SNRNP48: variants seen among roughly 807,000 people sequenced by gnomAD.
The protein encoded by SNRNP48 is U11/U12 small nuclear ribonucleoprotein 48 kDa protein.
SNRNP48 carries 43 observed loss-of-function variants against 47.0 expected under a neutral mutation model. The observed-to-expected ratio is 0.92, with a 90% confidence interval of 0.72 to 1.18. The LOEUF (loss-of-function observed/expected upper bound fraction) is 1.18. Among genes scored for constraint, SNRNP48 ranks in the 50% most tolerant of loss-of-function variants. The pLI is 0.00. For synonymous variants in SNRNP48, 138 were observed against 144.0 expected, an observed-to-expected ratio of 0.96 and a Z score of 0.30; for missense variants, 396 against 422.2, an observed-to-expected ratio of 0.94 and a Z score of 0.54.
chr6:7,601,575 A>G lies in SNRNP48; in HGVS notation c.595+51A>G, dbSNP rs755666686. ...CATTTCTTCATTATCATTTTATTCT[A>G]TGAGTGTTATTAAGATGATTTAATT... On this transcript the variant is annotated intron_variant, in intron 5 of 8. Coordinates refer to ENST00000342415, the MANE Select transcript of SNRNP48 (RefSeq NM_152551.4). The G allele has an allele frequency of 7.2e-5, 104 of 1,449,672 alleles. No individual in the cohort carries two copies. In the Admixed American group the frequency reaches 1.3e-3, roughly 18 times the overall value. 89.8% of individuals were successfully genotyped at this position (1,449,672 alleles called of 1,614,324 possible).
chr6:7,595,386 A>C (rs574466032), intron 4 of SNRNP48, among the ~76,000 whole-genome samples: 27 of 151,352 alleles, frequency 1.8e-4, no homozygotes, highest in Non-Finnish European at 3.2e-4. Flanking sequence ...AATTAAAAAA[A>C]TTATTATTTA....
chr6:7,591,022 G>T (rs1759807582), intron 1 of SNRNP48, among the ~76,000 whole-genome samples: 1 of 152,202 alleles, frequency 6.6e-6, no homozygotes, highest in Non-Finnish European at 1.5e-5. Flanking sequence ...TGAGTGAGGA[G>T]GGAATGGCAG....
At chr6:7,596,952 A>G (rs1249541400) in intron 4 of SNRNP48, among the ~76,000 whole-genome samples, 2 of 152,234 alleles carry the variant, frequency 1.3e-5, no homozygotes, top group African/African-American at 4.8e-5. Flanking sequence ...CATCTAATCC[A>G]GTGTCTGCAT....
At chr6:7,599,594 T>G in intron 4 of SNRNP48, 1 of 848,468 alleles carries the variant, frequency 1.2e-6, no homozygotes, top group South Asian at 1.6e-5. Context: ...TTATCCTTTT[T>G]GTTGTCAGAA....
chr6:7,605,063 AT>A lies in SNRNP48; in HGVS notation c.718-328del, dbSNP rs201738839. On this transcript the variant is annotated intron_variant, in intron 6 of 8. Transcript: ENST00000342415. ...ACTCTCTCGATCTCGATCTGTACAT[AT>A]TTTTTTCCCCTGAATTCTTTAAGGG... 6.7e-3 allele frequency among the ~76,000 whole-genome samples: 1,020 copies of A among 151,890 alleles called. 16 individuals carry two copies. The highest frequency in any genetic ancestry group is 0.023 in the African/African-American group (951 of 41,402).
At chr6:7,593,885 C>A in intron 2 of SNRNP48, 38 bp downstream of exon 2, 1 of 1,378,974 alleles carries the variant, frequency 7.3e-7, no homozygotes, top group South Asian at 1.4e-5. Context: ...ACATATATGT[C>A]ATGCATTTTA....
At chr6:7,591,940 C>A (rs1308333147) in intron 1 of SNRNP48, among the ~76,000 whole-genome samples, 1 of 151,888 alleles carries the variant, frequency 6.6e-6, no homozygotes, top group Non-Finnish European at 1.5e-5. Flanking sequence ...TCCTAGTTGT[C>A]ACCTAGTTCC....
At chr6:7,605,522 C>T (rs1297809745) in intron 7 of SNRNP48, 36 bp downstream of exon 7, 2 of 1,548,746 alleles carry the variant, frequency 1.3e-6, no homozygotes, top group South Asian at 1.1e-5. Flanking sequence ...AATACTCTCT[C>T]TTTGATAACA....
intron 8 of SNRNP48, among the ~76,000 whole-genome samples, chr6:7,607,644 T>G (rs1760155970): frequency 6.6e-6 from 1 of 152,212 alleles, no homozygotes; most frequent in South Asian, 2.1e-4. Flanking sequence ...TCCATTTTGT[T>G]GCCACCCTAC....
intron 4 of SNRNP48, chr6:7,599,883 G>T: frequency 1.0e-6 from 1 of 1,003,510 alleles, no homozygotes; most frequent in South Asian, 2.7e-5. Context: ...AATTTAAGAT[G>T]AATAAATTGA....
chr6:7,600,947 G>C (rs1760006753), intron 4 of SNRNP48: 1 of 157,094 alleles, frequency 6.4e-6, no homozygotes, highest in Non-Finnish European at 1.4e-5. Flanking sequence ...CTTATTAAAA[G>C]CATTTTTTCC....
intron 4 of SNRNP48, among the ~76,000 whole-genome samples, chr6:7,595,370 G>T (rs969967166): frequency 7.8e-6 from 1 of 127,744 alleles, no homozygotes; most frequent in Admixed American, 7.5e-5. Context: ...AGATTGTCTT[G>T]TGGCTAATTA....
intron 2 of SNRNP48, 78 bp from the exon 3 acceptor site, chr6:7,594,021 A>G: frequency 1.0e-6 from 1 of 1,001,768 alleles, no homozygotes; most frequent in Non-Finnish European, 1.5e-6. Flanking sequence ...ATTAAGTGAT[A>G]CTAATCTATT....
In SNRNP48 at chr6:7,606,208, C is replaced by G. The variant is rs770663663; in HGVS notation, c.971+13C>G. 11 of 1,590,902 alleles carry G rather than the reference C, an allele frequency of 6.9e-6. No homozygotes were observed. The highest frequency in any genetic ancestry group is 9.4e-6 in the Non-Finnish European group (11 of 1,172,858). ...GAAGGAAAGAGAGGTGGGTCTAACCCTGCATCATCCAACGTTGAATTCTGT... is the reference window on the plus strand; with the variant it reads ...GAAGGAAAGAGAGGTGGGTCTAACCGTGCATCATCCAACGTTGAATTCTGT... On this transcript the variant is annotated intron_variant, in intron 8 of 8. Coordinates refer to ENST00000342415, the MANE Select transcript of SNRNP48 (RefSeq NM_152551.4).
In SNRNP48 at chr6:7,590,367, GCT is replaced by G; in HGVS notation, c.111_112del (p.Trp38GlyfsTer4). ...TTGGAGGAGGTGACCGCGTCCCTGG[GCT>G]GGGACCTAGATAGTCTGGATCCCGG... On this transcript the variant is annotated frameshift_variant, in exon 1 of 9. Transcript: ENST00000342415. LOFTEE classifies it high-confidence loss of function. 1 of 1,379,182 alleles carries G rather than the reference GCT, an allele frequency of 7.3e-7. No individual in the cohort carries two copies. The highest frequency in any genetic ancestry group is 1.9e-5 in the South Asian group (1 of 53,214). 85.4% of individuals were successfully genotyped at this position (1,379,182 alleles called of 1,614,324 possible). A position where few individuals can be genotyped will look rare whatever the true frequency, so the allele number is the denominator to read the frequency against.
chr6:7,604,479 G>T (rs190269725), intron 6 of SNRNP48, among the ~76,000 whole-genome samples: 2 of 152,288 alleles, frequency 1.3e-5, no homozygotes, highest in African/African-American at 4.8e-5. Flanking sequence ...ATCCTGGAGG[G>T]CTCTGAAGGC....
chr6:7,609,537 T>C lies in SNRNP48; in HGVS notation c.*664T>C, dbSNP rs918548526. ...CAATACTATGCATTCTCTATGGCTA[T>C]ATAATGTACGTAAATCTATTTTTAA... On this transcript the variant is annotated 3_prime_UTR_variant, in exon 9 of 9. Transcript: ENST00000342415. 3 of 152,212 alleles carry C rather than the reference T, an allele frequency of 2.0e-5. No individual in the cohort carries two copies. The highest frequency in any genetic ancestry group is 7.2e-5 in the African/African-American group (3 of 41,452). The allele number at this position is 152,212 out of a possible 1,614,324, so 9.4% of individuals were successfully genotyped here.
chr6:7,608,826 G>T lies in SNRNP48; in HGVS notation c.973G>T (p.Asp325Tyr). Residue 325 changes from aspartate to tyrosine, a missense_variant and splice_region_variant, in exon 9 of 9, where the codon GAT becomes TAT. By Grantham distance (160) the Asp-to-Tyr change is radical (BLOSUM62 -3). Transcript: ENST00000342415. The part of the protein sequence containing the change: ...NCESRRRKER[D>Y]GERHHSHKRR... ...TTTTTTATACCTCTTTTATTTCAGG[G>T]ATGGGGAAAGACACCATAGTCATAA... 1 of 1,491,048 alleles carries T rather than the reference G, an allele frequency of 6.7e-7. No homozygotes were observed. The highest frequency in any genetic ancestry group is 9.1e-7 in the Non-Finnish European group (1 of 1,100,128). The allele number at this position is 1,491,048 out of a possible 1,614,324, so 92.4% of individuals were successfully genotyped here.
At chr6:7,592,936 C>A (rs947870915) in intron 1 of SNRNP48, among the ~76,000 whole-genome samples, 2 of 152,084 alleles carry the variant, frequency 1.3e-5, no homozygotes, top group Non-Finnish European at 2.9e-5. Flanking sequence ...TAGTTTCTTG[C>A]TTGAGCAAGG....
Sources: gnomAD v4.1 joint callset for allele counts (sites outside exome capture counted in the v4.1 genomes callset) on GRCh38, gnomAD v4.1.1 for gene constraint, MANE v1.5 for transcripts, NCBI Gene and HGNC (gene_info 2026-07-23, HGNC 2026-07-21) for gene names.